FSTL5: variants seen among roughly 807,000 people sequenced by gnomAD.
FSTL5 encodes the protein follistatin like 5.
A neutral mutation model predicts 89.1 loss-of-function variants in FSTL5; 62 were observed. The ratio of observed to expected loss-of-function variants is 0.70; its 90% CI spans 0.57 to 0.86. The LOEUF (loss-of-function observed/expected upper bound fraction) is 0.86, where lower values mean the gene tolerates loss of function less well. FSTL5 is among the 40% of genes least tolerant of loss of function. The probability of loss-of-function intolerance (pLI) is 0.00; values close to 1 mark genes in which losing one functional copy is unlikely to be tolerated. For synonymous variants in FSTL5, 383 were observed against 346.2 expected (o/e 1.11, Z -1.18); for missense variants, 1,057 against 1,001.6 (o/e 1.06, Z -0.75).
intron 13 of FSTL5, among the ~76,000 whole-genome samples, chr4:161,472,021 G>A (rs1733960299): frequency 6.8e-6 from 1 of 147,050 alleles, no homozygotes; most frequent in Non-Finnish European, 1.5e-5. Flanking sequence ...CTGTTGCCCA[G>A]GCTGGAGTGC....
At chr4:161,910,299 C>T (rs527841265) in intron 4 of FSTL5, among the ~76,000 whole-genome samples, 10 of 152,204 alleles carry the variant, frequency 6.6e-5, no homozygotes, top group Admixed American at 6.5e-4. Context: ...TCAATCAGCA[C>T]TCATTCTTCA....
rs73862388 is a variant in FSTL5 at position 161,736,124 on chromosome 4, A to G, written c.727+23287T>C. Among the ~76,000 whole-genome samples, 889 of 152,238 alleles carry G rather than the reference A, an allele frequency of 5.8e-3. 10 individuals carry two copies. Among genetic ancestry groups the G allele is most frequent in the African/African-American group, 0.02 (841 of 41,566 alleles). On this transcript the variant is annotated intron_variant, in intron 6 of 15. Coordinates refer to ENST00000306100, the MANE Select transcript of FSTL5 (RefSeq NM_020116.5). ...TGTGACTTTATTTATGAAATTTAAC[A>G]TATCTTAAAGTTTAAAATTGAATCC...
In FSTL5 at chr4:161,939,292, G is replaced by T. The variant is rs558301018; in HGVS notation, c.161-18640C>A. ...TCTCCATGTATTAAATTGGAACAGTGAGCAAAAAATATAATGATTAAAAGG... is the reference window on the plus strand; with the variant it reads ...TCTCCATGTATTAAATTGGAACAGTTAGCAAAAAATATAATGATTAAAAGG... On this transcript the variant is annotated intron_variant, in intron 3 of 15. Coordinates refer to ENST00000306100, the MANE Select transcript of FSTL5 (RefSeq NM_020116.5). 3.5e-4 allele frequency among the ~76,000 whole-genome samples: 53 copies of T among 151,908 alleles called. 1 individual carries two copies. Among genetic ancestry groups the T allele is most frequent in the African/African-American group, 1.2e-3 (51 of 41,512 alleles).
chr4:162,079,755 G>GA (rs771960460), intron 2 of FSTL5, among the ~76,000 whole-genome samples: 3 of 151,214 alleles, frequency 2.0e-5, no homozygotes, highest in Admixed American at 1.3e-4. Flanking sequence ...TGAAATAGAA[G>GA]AAAAAAACTA....
At chr4:161,958,490 G>T (rs1405981039) in intron 3 of FSTL5, among the ~76,000 whole-genome samples, 1 of 152,038 alleles carries the variant, frequency 6.6e-6, no homozygotes, top group Non-Finnish European at 1.5e-5. Context: ...AAATTAAGTT[G>T]CATAGACACA....
At chr4:161,793,956 G>GTA in intron 4 of FSTL5, among the ~76,000 whole-genome samples, 1 of 152,160 alleles carries the variant, frequency 6.6e-6, no homozygotes, top group Middle Eastern at 3.4e-3. Flanking sequence ...ACATTACTTG[G>GTA]TATATATAAG....
At position 161,542,513 on chromosome 4, in the gene FSTL5, A is replaced by T; in HGVS notation, c.1177+19T>A. ...TTCAACATGGTCATTTAAGAGAAAAAAAAGCAAGTAAAAAGCACCTTGAAG... is the reference window on the plus strand; with the variant it reads ...TTCAACATGGTCATTTAAGAGAAAATAAAGCAAGTAAAAAGCACCTTGAAG... On this transcript the variant is annotated intron_variant, in intron 9 of 15. Transcript: ENST00000306100. The T allele has an allele frequency of 7.2e-7, 1 of 1,392,330 alleles. No individual in the cohort carries two copies. The highest frequency in any genetic ancestry group is 9.4e-7 in the Non-Finnish European group (1 of 1,058,350). 86.2% of individuals were successfully genotyped at this position (1,392,330 alleles called of 1,614,324 possible).
chr4:162,144,836 A>G (rs1427088257), intron 1 of FSTL5, among the ~76,000 whole-genome samples: 2 of 152,036 alleles, frequency 1.3e-5, no homozygotes, highest in Non-Finnish European at 2.9e-5. Context: ...ATAAAAACGT[A>G]TGCTGTCTAA....
intron 7 of FSTL5, among the ~76,000 whole-genome samples, chr4:161,595,003 G>A (rs542697735): frequency 3.3e-5 from 5 of 152,010 alleles, no homozygotes; most frequent in Non-Finnish European, 7.4e-5. Flanking sequence ...CAAACAAGGT[G>A]AGGGGTCTCA....
chr4:161,587,868 G>C (rs1175089034), intron 7 of FSTL5, among the ~76,000 whole-genome samples: 1 of 152,120 alleles, frequency 6.6e-6, no homozygotes, highest in East Asian at 1.9e-4. Context: ...TTCTAATTTA[G>C]TTCCCATTTT....
intron 3 of FSTL5, among the ~76,000 whole-genome samples, chr4:162,009,124 A>AT (rs1228712539): frequency 2.0e-5 from 3 of 152,028 alleles, no homozygotes; most frequent in Admixed American, 1.3e-4. Flanking sequence ...TAGAAATGCC[A>AT]TTTTTTCAAC....
chr4:161,421,183 A>G (rs1294372139), intron 15 of FSTL5, among the ~76,000 whole-genome samples: 2 of 152,088 alleles, frequency 1.3e-5, no homozygotes, highest in African/African-American at 4.8e-5. Context: ...TACTAAAAAT[A>G]CAAAAACATT....
intron 7 of FSTL5, among the ~76,000 whole-genome samples, chr4:161,631,587 A>T (rs541136397): frequency 1.9e-4 from 29 of 152,216 alleles, no homozygotes; most frequent in Non-Finnish European, 2.2e-4. Flanking sequence ...ATTTCACTCC[A>T]GACTGGACGA....
intron 7 of FSTL5, among the ~76,000 whole-genome samples, chr4:161,645,744 A>G (rs921366723): frequency 4.6e-5 from 7 of 152,114 alleles, no homozygotes; most frequent in Admixed American, 1.3e-4. Flanking sequence ...AGCTATGCCA[A>G]TGCTCCCTGC....
intron 4 of FSTL5, among the ~76,000 whole-genome samples, chr4:161,876,631 G>T (rs901606221): frequency 3.9e-5 from 6 of 152,040 alleles, no homozygotes; most frequent in Non-Finnish European, 5.9e-5. Flanking sequence ...TGCCAGATAC[G>T]TGGGAAGCTG....
At chr4:161,386,691 G>T in intron 15 of FSTL5, 1 of 447,422 alleles carries the variant, frequency 2.2e-6, no homozygotes, top group Non-Finnish European at 4.0e-6. Context: ...ATAATTAAAA[G>T]CAATACATCT....
chr4:161,398,949 A>G (rs2110898796), intron 15 of FSTL5, among the ~76,000 whole-genome samples: 1 of 152,272 alleles, frequency 6.6e-6, no homozygotes, highest in South Asian at 2.1e-4. Flanking sequence ...ATATTTATGT[A>G]AATGACAAAT....
intron 10 of FSTL5, among the ~76,000 whole-genome samples, chr4:161,529,620 A>G (rs912960952): frequency 3.5e-5 from 5 of 142,048 alleles, no homozygotes; most frequent in African/African-American, 1.3e-4. Context: ...TAATTAGTAT[A>G]TATTCTCTAT....
intron 8 of FSTL5, among the ~76,000 whole-genome samples, chr4:161,570,136 T>A (rs1182427215): frequency 6.6e-6 from 1 of 152,198 alleles, no homozygotes; most frequent in Non-Finnish European, 1.5e-5. Flanking sequence ...TAGAGTATTT[T>A]AGGCTATGTG....
Sources: allele counts gnomAD v4.1 joint callset (sites outside exome capture counted in the v4.1 genomes callset), GRCh38; gene constraint gnomAD v4.1.1; transcripts MANE v1.5; gene names NCBI Gene and HGNC (gene_info 2026-07-23, HGNC 2026-07-21).